Variants in QTMAN observed in about 807,000 individuals in gnomAD.
The protein encoded by QTMAN is queuosine-tRNA mannosyltransferase, also known as tRNA-queuosine alpha-mannosyltransferase.
the QTMAN span, among the ~76,000 whole-genome samples, chr2:144,306,619 A>G: frequency 6.6e-6 from 1 of 152,150 alleles, no homozygotes; most frequent in African/African-American, 2.4e-5. Context: ...ACGTCAACCT[A>G]AAAATTTTGA....
At chr2:144,311,527 A>C in the QTMAN span, among the ~76,000 whole-genome samples, 2 of 152,252 alleles carry the variant, frequency 1.3e-5, no homozygotes, top group Non-Finnish European at 2.9e-5. Flanking sequence ...TAACATGGGC[A>C]AGCAAGCTTA....
At chr2:143,991,401 G>A in the QTMAN span, among the ~76,000 whole-genome samples, 45 of 151,228 alleles carry the variant, frequency 3.0e-4, 1 homozygote, top group Middle Eastern at 3.5e-3. Flanking sequence ...TCAGCCCCCC[G>A]CCCGGCCAGC....
the QTMAN span, among the ~76,000 whole-genome samples, chr2:144,058,313 C>T: frequency 1.3e-5 from 2 of 152,064 alleles, no homozygotes; most frequent in Non-Finnish European, 2.9e-5. Context: ...GGGCTGCAAA[C>T]TCAAATATCA....
the QTMAN span, among the ~76,000 whole-genome samples, chr2:144,052,801 G>A: frequency 2.6e-5 from 4 of 152,076 alleles, no homozygotes; most frequent in East Asian, 1.9e-4. Flanking sequence ...ACAGGCATGC[G>A]CCACCACACC....
the QTMAN span, among the ~76,000 whole-genome samples, chr2:144,325,301 T>C: frequency 1.3e-5 from 2 of 152,088 alleles, no homozygotes; most frequent in South Asian, 2.1e-4. Flanking sequence ...GGTGACAAAA[T>C]GGAAGGCTGT....
At chr2:144,163,192 C>T in the QTMAN span, among the ~76,000 whole-genome samples, 2 of 151,668 alleles carry the variant, frequency 1.3e-5, no homozygotes, top group Non-Finnish European at 2.9e-5. Flanking sequence ...AGGAAAAGAC[C>T]ATAAGGAAGT....
At chr2:144,214,568 C>T in the QTMAN span, among the ~76,000 whole-genome samples, 8 of 152,128 alleles carry the variant, frequency 5.3e-5, no homozygotes, top group African/African-American at 7.2e-5. Flanking sequence ...TTGTGTACTA[C>T]CATATGTACT....
the QTMAN span, among the ~76,000 whole-genome samples, chr2:144,264,730 C>T: frequency 6.6e-6 from 1 of 152,218 alleles, no homozygotes; most frequent in African/African-American, 2.4e-5. Context: ...GCTGACTTGA[C>T]TCCAATAACG....
At chr2:144,275,091 G>T in the QTMAN span, among the ~76,000 whole-genome samples, 1 of 152,028 alleles carries the variant, frequency 6.6e-6, no homozygotes, top group Admixed American at 6.6e-5. Context: ...TCAGAATCTG[G>T]GAAAACTTAC....
chr2:144,080,326 A>G, the QTMAN span, among the ~76,000 whole-genome samples: 1 of 152,142 alleles, frequency 6.6e-6, no homozygotes, highest in Non-Finnish European at 1.5e-5. Flanking sequence ...GGGTATTTCC[A>G]TGAATGCGTT....
At chr2:143,973,921 A>G in the QTMAN span, among the ~76,000 whole-genome samples, 1 of 152,212 alleles carries the variant, frequency 6.6e-6, no homozygotes, top group Admixed American at 6.5e-5. Context: ...TTTGTTTAGT[A>G]AAGAACTCAT....
the QTMAN span, among the ~76,000 whole-genome samples, chr2:144,312,782 T>A: frequency 6.6e-6 from 1 of 152,132 alleles, no homozygotes; most frequent in African/African-American, 2.4e-5. Flanking sequence ...GATCTGATGG[T>A]TTACAAGTGT....
chr2:144,213,854 G>C, the QTMAN span, among the ~76,000 whole-genome samples: 222 of 152,266 alleles, frequency 1.5e-3, 1 homozygote, highest in East Asian at 0.036. Flanking sequence ...GTCATCACAA[G>C]TTTACCTGGT....
At chr2:143,981,542 T>A in the QTMAN span, among the ~76,000 whole-genome samples, 4 of 152,220 alleles carry the variant, frequency 2.6e-5, no homozygotes, top group Non-Finnish European at 5.9e-5. Context: ...TTTCTGATTT[T>A]AAAAATGTTA....
chr2:144,083,221 G>A, the QTMAN span, among the ~76,000 whole-genome samples: 2 of 152,188 alleles, frequency 1.3e-5, no homozygotes, highest in Non-Finnish European at 2.9e-5. Flanking sequence ...GGTTAGAAAA[G>A]GCCACGCAGC....
At chr2:144,111,898 T>C in the QTMAN span, among the ~76,000 whole-genome samples, 3 of 152,192 alleles carry the variant, frequency 2.0e-5, no homozygotes, top group Admixed American at 6.5e-5. Flanking sequence ...AGCAAAATAA[T>C]CATGATGGAT....
chr2:144,300,975 C>T, the QTMAN span, among the ~76,000 whole-genome samples: 1 of 152,078 alleles, frequency 6.6e-6, no homozygotes, highest in South Asian at 2.1e-4. Flanking sequence ...GAGGCACTTT[C>T]AATTATATAG....
chr2:144,314,925 G>A, the QTMAN span, among the ~76,000 whole-genome samples: 5 of 152,158 alleles, frequency 3.3e-5, no homozygotes, highest in Non-Finnish European at 7.4e-5. Flanking sequence ...TTGCTCTGTC[G>A]CCTAGGCTGG....
At chr2:144,113,191 T>A in the QTMAN span, among the ~76,000 whole-genome samples, 1 of 151,680 alleles carries the variant, frequency 6.6e-6, no homozygotes, top group Admixed American at 6.6e-5. Context: ...ATAAAATGAT[T>A]CAAGAAATAA....
Sources: allele counts gnomAD v4.1 joint callset (sites outside exome capture counted in the v4.1 genomes callset), GRCh38; gene constraint gnomAD v4.1.1; transcripts MANE v1.5; gene names NCBI Gene and HGNC (gene_info 2026-07-23, HGNC 2026-07-21).